Variants in JMJD1C observed in about 807,000 individuals in gnomAD.
The protein encoded by JMJD1C is jumonji domain containing 1C.
Under a neutral mutation model 245.3 loss-of-function variants are expected in JMJD1C, and 31 were observed. The observed-to-expected ratio is 0.13, with a 90% CI of 0.09 to 0.17. The LOEUF (loss-of-function observed/expected upper bound fraction) is 0.17. Among genes scored for constraint, JMJD1C ranks in the 10% least tolerant of loss-of-function variants. The pLI is 1.00. For missense variants in JMJD1C, 2,691 were observed against 3,000.2 expected (o/e 0.90, Z 2.41); for synonymous variants, 1,057 against 1,017.4 (o/e 1.04, Z -0.74).
intron 1 of JMJD1C, among the ~76,000 whole-genome samples, chr10:63,418,484 A>C (rs1025988781): frequency 2.0e-5 from 3 of 152,226 alleles, no homozygotes; most frequent in South Asian, 2.1e-4. Context: ...ACAACAAATA[A>C]AACAATTAGA....
chr10:63,307,375 G>T (rs1223653120), intron 2 of JMJD1C, among the ~76,000 whole-genome samples: 6 of 152,118 alleles, frequency 3.9e-5, no homozygotes, highest in African/African-American at 1.4e-4. Context: ...TTAAAAGTAG[G>T]TTTAGGTTTC....
Position 63,475,690 on chromosome 10 carries a change from A to G in JMJD1C, n.113+46048T>C. On this transcript the variant is annotated intron_variant and non_coding_transcript_variant, in intron 1 of 3. Coordinates refer to the JMJD1C transcript ENST00000633035. ...TCAATTCCTACCACCACAAAGCTAA[A>G]CAGCATCCAAGGCCCCATGCCCACC... Among the ~76,000 whole-genome samples the G allele has an allele frequency of 2.6e-5, 4 of 152,302 alleles. 1 individual carries two copies. The highest frequency in any genetic ancestry group is 2.6e-4 in the Admixed American group (4 of 15,304).
chr10:63,337,417 G>A (rs1185801097), intron 2 of JMJD1C, among the ~76,000 whole-genome samples: 1 of 132,594 alleles, frequency 7.5e-6, no homozygotes, highest in Non-Finnish European at 1.6e-5. Flanking sequence ...ACTCTAACCT[G>A]GGTGACAGAG....
At chr10:63,198,997 C>T (rs1845741465) in intron 11 of JMJD1C, among the ~76,000 whole-genome samples, 1 of 152,042 alleles carries the variant, frequency 6.6e-6, no homozygotes, top group African/African-American at 2.4e-5. Flanking sequence ...AAAATGAAAA[C>T]TGTTTAAGTG....
chr10:63,281,458 CTTTTTTT>C lies in JMJD1C; in HGVS notation c.334-16701_334-16695del, dbSNP rs71025144. Among the ~76,000 whole-genome samples the C allele has an allele frequency of 1.8e-4, 12 of 65,348 alleles. 1 individual carries two copies. Among genetic ancestry groups the C allele is most frequent in the Admixed American group, 1.6e-3 (7 of 4,396 alleles). 42.9% of individuals were successfully genotyped at this position (65,348 alleles called of 152,430 possible). ...ACAGGCGTGAGCCACTGCGCCTGGC[CTTTTTTT>C]TTTTTTTTTTTTTTTTTTTTTTTGA... On this transcript the variant is annotated intron_variant, in intron 2 of 25. Transcript: ENST00000399262.
Position 63,387,034 on chromosome 10 carries a change from A to G in JMJD1C, c.169-6552T>C, listed in dbSNP as rs542202312. ...CATTAAGAACCACCCACTAAACCAC[A>G]GAAGAAATCACAGACAACACTGACC... On this transcript the variant is annotated intron_variant, in intron 1 of 25. Transcript: ENST00000399262. Among the ~76,000 whole-genome samples, 25 of 152,338 alleles carry G rather than the reference A, an allele frequency of 1.6e-4. No individual in the cohort carries two copies. The South Asian group carries it at 3.5e-3, about 21-fold the overall frequency.
chr10:63,203,276 G>T (rs892235028), intron 10 of JMJD1C: 5 of 975,440 alleles, frequency 5.1e-6, no homozygotes, highest in Non-Finnish European at 6.1e-6. Context: ...ATAATTTACT[G>T]GCAATATATA....
chr10:63,478,784 G>A (rs1358453792), intron 1 of JMJD1C, among the ~76,000 whole-genome samples: 2 of 152,202 alleles, frequency 1.3e-5, no homozygotes, highest in East Asian at 3.9e-4. Context: ...TATTTGCATG[G>A]CTGACCTTAG....
At chr10:63,192,628 G>A (rs1844972089) in intron 16 of JMJD1C, among the ~76,000 whole-genome samples, 1 of 152,164 alleles carries the variant, frequency 6.6e-6, no homozygotes, top group Non-Finnish European at 1.5e-5. Flanking sequence ...TCAGCTATTT[G>A]GGAGGCTGAA....
chr10:63,233,613 T>G (rs1229473245), intron 3 of JMJD1C, among the ~76,000 whole-genome samples: 1 of 151,924 alleles, frequency 6.6e-6, no homozygotes, highest in African/African-American at 2.4e-5. Flanking sequence ...GGATACAGCC[T>G]TAAAAATATT....
chr10:63,241,350 C>A (rs773123021), intron 3 of JMJD1C, among the ~76,000 whole-genome samples: 3 of 152,138 alleles, frequency 2.0e-5, no homozygotes, highest in African/African-American at 4.8e-5. Context: ...AGAAGACGAG[C>A]AGTAAAGTGA....
intron 3 of JMJD1C, among the ~76,000 whole-genome samples, chr10:63,261,237 A>G (rs1421312245): frequency 6.6e-6 from 1 of 152,166 alleles, no homozygotes; most frequent in Non-Finnish European, 1.5e-5. Context: ...ACTAAAAACT[A>G]TAATATATAA....
chr10:63,202,928 T>C lies in JMJD1C; in HGVS notation c.5075-2251A>G, dbSNP rs531610996. The C allele has an allele frequency of 1.0e-5, 10 of 980,796 alleles. No individual in the cohort carries two copies. The African/African-American group carries it at 1.7e-4, about 17-fold the overall frequency. 60.8% of individuals were successfully genotyped at this position (980,796 alleles called of 1,614,324 possible). A position where few individuals can be genotyped will look rare whatever the true frequency, so the allele number is the denominator to read the frequency against. On this transcript the variant is annotated intron_variant, in intron 10 of 25. Coordinates refer to ENST00000399262, the MANE Select transcript of JMJD1C (RefSeq NM_032776.3). ...TAGAATAAACTAAATACAGTCTATT[T>C]CTTTTTATTATATGCCTTTAATTCC...
At chr10:63,180,854 C>T (rs1253920631) in intron 22 of JMJD1C, among the ~76,000 whole-genome samples, 3 of 150,758 alleles carry the variant, frequency 2.0e-5, no homozygotes, top group East Asian at 3.9e-4. Flanking sequence ...CTGCAAGCTC[C>T]GCCTCCCGGG....
In JMJD1C at chr10:63,208,282, T is replaced by C; in HGVS notation, c.3387A>G (p.Ala1129=). The C allele has an allele frequency of 9.9e-6, 16 of 1,614,134 alleles. No homozygotes were observed. The highest frequency in any genetic ancestry group is 1.4e-5 in the Non-Finnish European group (16 of 1,179,990). ...AAGTCAGAGTTTGAGGATTAGCTGC[T>C]GCCGCTGCAAGGGCATTACTCTGTT... ...GDKQSNALAA[A]AANPQTLTSF... The change falls in exon 10 of 26, where the codon GCA becomes GCG. Residue 1129 remains alanine, a synonymous_variant. Coordinates refer to ENST00000399262, the MANE Select transcript of JMJD1C (RefSeq NM_032776.3).
intron 2 of JMJD1C, among the ~76,000 whole-genome samples, chr10:63,356,886 T>C (rs1483905333): frequency 1.3e-5 from 2 of 152,200 alleles, no homozygotes; most frequent in African/African-American, 4.8e-5. Flanking sequence ...ATTCTGACTT[T>C]AGCAAGTTAA....
chr10:63,247,508 A>G (rs1036008535), intron 3 of JMJD1C, among the ~76,000 whole-genome samples: 2 of 152,100 alleles, frequency 1.3e-5, no homozygotes, highest in Non-Finnish European at 2.9e-5. Context: ...TGAAAGGACA[A>G]AGAAGGTGGA....
intron 3 of JMJD1C, among the ~76,000 whole-genome samples, chr10:63,231,438 A>G (rs1016151490): frequency 1.3e-5 from 2 of 152,232 alleles, no homozygotes; most frequent in Non-Finnish European, 2.9e-5. Flanking sequence ...TCAATGAGCA[A>G]GCCCGAGATC....
At chr10:63,494,340 TA>T (rs1248159565) in intron 1 of JMJD1C, among the ~76,000 whole-genome samples, 1 of 152,098 alleles carries the variant, frequency 6.6e-6, no homozygotes, top group African/African-American at 2.4e-5. Context: ...GGAAAGTTAT[TA>T]ATCTATAGCA....
Sources: gnomAD v4.1 joint callset for allele counts (sites outside exome capture counted in the v4.1 genomes callset) on GRCh38, gnomAD v4.1.1 for gene constraint, MANE v1.5 for transcripts, NCBI Gene and HGNC (gene_info 2026-07-23, HGNC 2026-07-21) for gene names.